CACNG4: variants seen among roughly 807,000 people sequenced by gnomAD.
The protein encoded by CACNG4 is calcium voltage-gated channel auxiliary subunit gamma 4.
CACNG4 carries 8 observed loss-of-function variants against 22.9 expected under a neutral mutation model. That is an observed-to-expected ratio of 0.35 (90% confidence interval 0.21 to 0.63). The LOEUF is 0.63. CACNG4 is among the 30% of genes least tolerant of loss of function. The pLI, the probability that CACNG4 is intolerant of heterozygous loss-of-function variation, is 0.72. For missense variants in CACNG4, 357 were observed against 455.4 expected (o/e 0.78, Z 1.97); for synonymous variants, 188 against 191.9 (o/e 0.98, Z 0.17).
At chr17:66,988,498 G>A (rs980893431) in intron 1 of CACNG4, among the ~76,000 whole-genome samples, 3 of 152,134 alleles carry the variant, frequency 2.0e-5, no homozygotes, top group African/African-American at 7.2e-5. Flanking sequence ...TCTTGGCTCC[G>A]CGTGTCTGCC....
intron 1 of CACNG4, among the ~76,000 whole-genome samples, chr17:66,973,601 G>A (rs374735530): frequency 1.3e-5 from 2 of 152,186 alleles, no homozygotes; most frequent in Non-Finnish European, 2.9e-5. Context: ...CGTAGCGTGC[G>A]GCAGCAATAG....
intron 1 of CACNG4, among the ~76,000 whole-genome samples, chr17:66,973,380 C>T (rs962704268): frequency 5.9e-5 from 9 of 152,246 alleles, no homozygotes; most frequent in African/African-American, 1.9e-4. Flanking sequence ...GCCCAGAAGG[C>T]GTCCACCATG....
chr17:66,965,169 CACACACACACACACACATAT>C, intron 1 of CACNG4, 38 bp downstream of exon 1: 1 of 1,104,380 alleles, frequency 9.1e-7, no homozygotes, highest in East Asian at 2.7e-5. Flanking sequence ...CCCACACACA[CACACACACACACACACATAT>C]ACACACGCGC....
At chr17:66,982,485 A>G (rs1489728089) in intron 1 of CACNG4, among the ~76,000 whole-genome samples, 1 of 147,628 alleles carries the variant, frequency 6.8e-6, no homozygotes, top group Non-Finnish European at 1.5e-5. Context: ...ACCTCTAGCT[A>G]GCTACAGGGC....
At chr17:66,986,520 A>G (rs1252005308) in intron 1 of CACNG4, among the ~76,000 whole-genome samples, 1 of 152,202 alleles carries the variant, frequency 6.6e-6, no homozygotes, top group Non-Finnish European at 1.5e-5. Context: ...ATTATGGGGA[A>G]GGGTGATGTC....
intron 1 of CACNG4, among the ~76,000 whole-genome samples, chr17:67,007,575 T>C (rs1345064759): frequency 2.0e-5 from 3 of 151,832 alleles, no homozygotes; most frequent in Non-Finnish European, 2.9e-5. Context: ...CCCTGACCTC[T>C]ACTCTGCAGC....
chr17:66,989,889 A>C (rs1237530903), intron 1 of CACNG4, among the ~76,000 whole-genome samples: 2 of 151,790 alleles, frequency 1.3e-5, no homozygotes, highest in Non-Finnish European at 2.9e-5. Context: ...GCAACATGAA[A>C]ATTTTTTCTT....
chr17:67,001,230 A>T (rs1030998612), intron 1 of CACNG4, among the ~76,000 whole-genome samples: 2 of 152,060 alleles, frequency 1.3e-5, no homozygotes, highest in African/African-American at 2.4e-5. Context: ...GCCACTTGGA[A>T]CTGTGAGTCC....
At position 66,984,861 on chromosome 17, in the gene CACNG4, G is replaced by C. The variant is rs2035296257; in HGVS notation, c.220+19730G>C. 6.6e-6 allele frequency among the ~76,000 whole-genome samples: 1 copy of C among 152,062 alleles called. No homozygotes were observed. Among genetic ancestry groups the C allele is most frequent in the Non-Finnish European group, 1.5e-5 (1 of 68,004 alleles). On this transcript the variant is annotated intron_variant, in intron 1 of 3. Transcript: ENST00000262138. The surrounding 1 kb of genome is among the most constrained non-coding windows in gnomAD (Gnocchi z 4.0). ...AGCCTCGAGCCTGAGCCTGCCTCAG[G>C]GTCCCCAGGGTTACCAGGCTGGGAG... is the stretch of plus-strand genomic sequence containing the variant.
chr17:66,998,579 C>G (rs917720988), intron 1 of CACNG4, among the ~76,000 whole-genome samples: 1 of 152,188 alleles, frequency 6.6e-6, no homozygotes, highest in East Asian at 1.9e-4. Flanking sequence ...AAGTTCCCCA[C>G]CTTCAGGAGG....
chr17:66,983,614 A>G (rs531807334), intron 1 of CACNG4, among the ~76,000 whole-genome samples: 21 of 152,302 alleles, frequency 1.4e-4, no homozygotes, highest in African/African-American at 5.1e-4. Flanking sequence ...TGCAGTCTAA[A>G]GAGAAAGGAT....
At chr17:67,014,383 T>TCTA (rs552325316) in intron 1 of CACNG4, among the ~76,000 whole-genome samples, 65 of 152,230 alleles carry the variant, frequency 4.3e-4, no homozygotes, top group African/African-American at 1.6e-3. Flanking sequence ...CGCCAAGCAT[T>TCTA]CTACTCCACA....
At chr17:67,026,310 T>G (rs551483263) in intron 3 of CACNG4, among the ~76,000 whole-genome samples, 1 of 151,176 alleles carries the variant, frequency 6.6e-6, no homozygotes, top group Non-Finnish European at 1.5e-5. Flanking sequence ...GAGTGTGGTG[T>G]GTGTGTGTAT....
At chr17:66,965,194 A>ACACGCGCG (rs1229804995) in intron 1 of CACNG4, 63 bp downstream of exon 1, 2 of 910,066 alleles carry the variant, frequency 2.2e-6, no homozygotes, top group African/African-American at 2.0e-5. Context: ...ACATATACAC[A>ACACGCGCG]CGCGCGCGCG....
Position 67,030,766 on chromosome 17 carries a change from C to A in CACNG4, c.746C>A (p.Ser249Tyr), listed in dbSNP as rs1567761455. Residue 249 changes from serine (S) to tyrosine (Y), a missense_variant, in exon 4 of 4, where the codon TCC becomes TAC. Transcript: ENST00000262138. The surrounding 1 kb of genome is among the most constrained non-coding windows in gnomAD (Gnocchi z 6.4). ...CGGCGCTCGAGGTCCAGCTCAAGGT[C>A]CACCGAGGCCTCGCCCTCCAGGGAC... ...RRRRSRSSSRSTEASPSRDVS... is the reference protein window; with the variant it reads ...RRRRSRSSSRYTEASPSRDVS... 1 of 1,614,218 alleles carries A rather than the reference C, an allele frequency of 6.2e-7. No homozygotes were observed. The highest frequency in any genetic ancestry group is 8.5e-7 in the Non-Finnish European group (1 of 1,180,036).
intron 2 of CACNG4, among the ~76,000 whole-genome samples, chr17:67,023,188 C>T (rs561402106): frequency 1.2e-4 from 18 of 150,808 alleles, no homozygotes; most frequent in Admixed American, 2.6e-4. Flanking sequence ...GGATGCTCGT[C>T]GTTGGATCTA....
At chr17:67,014,629 C>T (rs2035486406) in intron 1 of CACNG4, among the ~76,000 whole-genome samples, 2 of 150,874 alleles carry the variant, frequency 1.3e-5, no homozygotes, top group African/African-American at 2.5e-5. Context: ...GGAGAAGGCA[C>T]TTGAAACCGC....
intron 1 of CACNG4, among the ~76,000 whole-genome samples, chr17:66,982,382 A>G (rs1466267812): frequency 6.6e-6 from 1 of 152,120 alleles, no homozygotes; most frequent in Non-Finnish European, 1.5e-5. Flanking sequence ...AGCTAGCCAC[A>G]GAGTGCTGAT....
chr17:67,001,056 T>C lies in CACNG4; in HGVS notation c.221-17133T>C, dbSNP rs529966012. On this transcript the variant is annotated intron_variant, in intron 1 of 3. Transcript: ENST00000262138. ...GACCTGGGGGGAGGTAATTGAATCATGGGGGTGGGTTATTCCTGTTCTGGT... is the reference window on the plus strand; with the variant it reads ...GACCTGGGGGGAGGTAATTGAATCACGGGGGTGGGTTATTCCTGTTCTGGT... Among the ~76,000 whole-genome samples, 300 of 151,976 alleles carry C rather than the reference T, an allele frequency of 2.0e-3. 1 individual carries two copies. Among genetic ancestry groups the C allele is most frequent in the Middle Eastern group, 0.014 (4 of 294 alleles).
Sources: gnomAD v4.1 joint callset for allele counts (sites outside exome capture counted in the v4.1 genomes callset) on GRCh38, gnomAD v4.1.1 for gene constraint, Gnocchi (gnomAD v3.1) non-coding constraint, MANE v1.5 for transcripts, NCBI Gene and HGNC (gene_info 2026-07-23, HGNC 2026-07-21) for gene names.